The following SLC39A8 variants were observed in gnomAD, a reference collection of about 807,000 sequenced individuals.
SLC39A8 encodes metal cation symporter ZIP8.
In SLC39A8, 15 loss-of-function variants were observed where a neutral mutation model predicts 40.4. That is an observed-to-expected ratio of 0.37 (90% CI 0.25 to 0.57). The LOEUF is 0.57. Ranked by LOEUF, SLC39A8 falls within the 20% of genes least tolerant of loss-of-function variation. The probability of loss-of-function intolerance (pLI) is 0.75; values close to 1 mark genes in which losing one functional copy is unlikely to be tolerated. For missense variants in SLC39A8, 472 were observed against 558.8 expected (o/e 0.84, Z 1.57); for synonymous variants, 223 against 221.6 (o/e 1.01, Z -0.06).
intron 6 of SLC39A8, among the ~76,000 whole-genome samples, chr4:102,299,219 A>G (rs1733805513): frequency 6.6e-6 from 1 of 151,618 alleles, no homozygotes; most frequent in African/African-American, 2.4e-5. Flanking sequence ...AGAAAAACAC[A>G]CCACCCAAAA....
At chr4:102,290,200 A>T (rs573175971) in intron 6 of SLC39A8, among the ~76,000 whole-genome samples, 37 of 152,266 alleles carry the variant, frequency 2.4e-4, no homozygotes, top group African/African-American at 8.4e-4. Flanking sequence ...GATCAGTAGC[A>T]CTTTTTAGCA....
chr4:102,253,517 G>A (rs1731639776), intron 11 of SLC39A8: 1 of 612,848 alleles, frequency 1.6e-6, no homozygotes, highest in South Asian at 2.1e-5. Context: ...TAAGTTGTTA[G>A]CTTTTCTCCT....
chr4:102,272,308 G>A (rs1175604724), intron 6 of SLC39A8, among the ~76,000 whole-genome samples: 1 of 152,030 alleles, frequency 6.6e-6, no homozygotes, highest in Non-Finnish European at 1.5e-5. Context: ...GAGTGGTGGT[G>A]GGCGCCTGTA....
At chr4:102,288,537 T>C (rs1733286623) in intron 6 of SLC39A8, among the ~76,000 whole-genome samples, 1 of 152,072 alleles carries the variant, frequency 6.6e-6, no homozygotes, top group Non-Finnish European at 1.5e-5. Context: ...TTAAACTTAG[T>C]GAGGAAAACA....
chr4:102,297,495 T>C (rs560811984), intron 6 of SLC39A8, among the ~76,000 whole-genome samples: 2 of 152,010 alleles, frequency 1.3e-5, no homozygotes, highest in African/African-American at 2.4e-5. Context: ...TTTAGAAAAG[T>C]TGGACAGTTG....
chr4:102,320,456 A>ATATACATATGAGAATATATATATGAGAG, intron 2 of SLC39A8, among the ~76,000 whole-genome samples: 7 of 96,278 alleles, frequency 7.3e-5, no homozygotes, highest in African/African-American at 2.8e-4. Flanking sequence ...ATATGAGAGT[A>ATATACATATGAGAATATATATATGAGAG]TATATACATA....
In SLC39A8 at chr4:102,344,575, T is replaced by C. The variant is rs769885404; in HGVS notation, c.88A>G (p.Ser30Gly). Reference sequence around the variant, plus strand: ...CCGAACACGCTCAGCACATCCTCGCTGAAGGCTAGCCCTGGCCCCTCCGCC... The same window carrying C: ...CCGAACACGCTCAGCACATCCTCGCCGAAGGCTAGCCCTGGCCCCTCCGCC... ...GVAEGPGLAFSEDVLSVFGAN... is the reference protein window; with the variant it reads ...GVAEGPGLAFGEDVLSVFGAN... Residue 30 changes from serine (S) to glycine (G), a missense_variant, in exon 2 of 9, where the codon AGC becomes GGC. By Grantham distance (56) the Ser-to-Gly change is moderately conservative (BLOSUM62 0). Around this residue, in one of 4 missense-constraint regions of SLC39A8, gnomAD observed 175 missense variants for 160.5 expected, o/e 1.09. Coordinates refer to ENST00000356736, the MANE Select transcript of SLC39A8 (RefSeq NM_001135146.2). 49 of 1,550,636 alleles carry C rather than the reference T, an allele frequency of 3.2e-5. No homozygotes were observed. The highest frequency in any genetic ancestry group is 1.7e-4 in the Middle Eastern group (1 of 5,980).
intron 2 of SLC39A8, among the ~76,000 whole-genome samples, chr4:102,323,638 T>TA (rs1735059725): frequency 6.6e-6 from 1 of 152,272 alleles, no homozygotes; most frequent in African/African-American, 2.4e-5. Flanking sequence ...TTAACACGTA[T>TA]AACCTCTTTA....
chr4:102,296,652 C>A (rs1156790198), intron 6 of SLC39A8, among the ~76,000 whole-genome samples: 4 of 152,074 alleles, frequency 2.6e-5, no homozygotes, highest in Non-Finnish European at 5.9e-5. Flanking sequence ...ATATTTTAAT[C>A]CTAAGATGCA....
intron 6 of SLC39A8, among the ~76,000 whole-genome samples, chr4:102,281,473 T>C (rs1291482269): frequency 6.6e-6 from 1 of 152,074 alleles, no homozygotes; most frequent in African/African-American, 2.4e-5. Flanking sequence ...GTGACTCACC[T>C]GCAAAAAAAG....
rs1171207456 is a variant in SLC39A8 at position 102,304,429 on chromosome 4, T to C, written c.728A>G (p.His243Arg). ...GATGGCAGGTAATGCTTTAGGTTGATGAGTTTTTTCTTGAGGACCAAAGTT... is the reference window on the plus strand; with the variant it reads ...GATGGCAGGTAATGCTTTAGGTTGACGAGTTTTTTCTTGAGGACCAAAGTT... ...NDNFGPQEKT[H>R]QPKALPAING... The change falls in exon 6 of 9, where the codon CAT becomes CGT. Residue 243 changes from histidine to arginine, a missense_variant. Coordinates refer to ENST00000356736, the MANE Select transcript of SLC39A8 (RefSeq NM_001135146.2). 12 of 1,611,696 alleles carry C rather than the reference T, an allele frequency of 7.4e-6. No individual in the cohort carries two copies. Among genetic ancestry groups the C allele is most frequent in the Non-Finnish European group, 1.0e-5 (12 of 1,178,454 alleles).
At chr4:102,309,553 A>G (rs576685943) in intron 3 of SLC39A8, among the ~76,000 whole-genome samples, 1 of 152,194 alleles carries the variant, frequency 6.6e-6, no homozygotes. Flanking sequence ...AATTTCTCTT[A>G]ACACAAACAT....
In SLC39A8 at chr4:102,285,628, G is replaced by GGTGTGTGT. The variant is rs59048258; in HGVS notation, c.841-17557_841-17550dup. Among the ~76,000 whole-genome samples the GGTGTGTGT allele has an allele frequency of 7.7e-3, 1,155 of 150,044 alleles. 11 individuals carry two copies. Among genetic ancestry groups the GGTGTGTGT allele is most frequent in the African/African-American group, 0.023 (954 of 40,848 alleles). On this transcript the variant is annotated intron_variant, in intron 6 of 8. Coordinates refer to ENST00000356736, the MANE Select transcript of SLC39A8 (RefSeq NM_001135146.2). The stretch of plus-strand genomic sequence containing the variant: ...GAGACAAATAAATATTATAGATGAG[G>GGTGTGTGT]GTGTGTGTGTGTGTGTGTGCATGTG...
Position 102,255,081 on chromosome 4 carries a change from A to G in SLC39A8, c.*299-1651T>C, listed in dbSNP as rs560142261. Reference sequence around the variant, plus strand: ...TTTTGAAAGATTTTTGCTCACCACTACTGGAACATAATAGAGATTTTACTA... The same window carrying G: ...TTTTGAAAGATTTTTGCTCACCACTGCTGGAACATAATAGAGATTTTACTA... On this transcript the variant is annotated intron_variant and NMD_transcript_variant, in intron 11 of 11. Transcript: ENST00000424970. 1.4e-4 allele frequency among the ~76,000 whole-genome samples: 21 copies of G among 152,352 alleles called. No individual in the cohort carries two copies. The South Asian group carries it at 4.3e-3, about 32-fold the overall frequency.
chr4:102,277,077 A>C (rs891665251), intron 6 of SLC39A8, among the ~76,000 whole-genome samples: 2 of 152,342 alleles, frequency 1.3e-5, no homozygotes, highest in Admixed American at 6.5e-5. Context: ...GAAAACCAGC[A>C]CAAGACAAGG....
At chr4:102,311,811 T>A (rs1734437694) in intron 3 of SLC39A8, among the ~76,000 whole-genome samples, 2 of 152,120 alleles carry the variant, frequency 1.3e-5, no homozygotes, top group African/African-American at 2.4e-5. Flanking sequence ...AATTTTTGTA[T>A]CATTTGGATT....
chr4:102,264,711 T>G (rs1315617490), intron 8 of SLC39A8, among the ~76,000 whole-genome samples: 1 of 152,242 alleles, frequency 6.6e-6, no homozygotes, highest in Non-Finnish European at 1.5e-5. Flanking sequence ...GTAGTCACCT[T>G]CATCAGTGAT....
Position 102,331,144 on chromosome 4 carries a change from TA to T in SLC39A8, c.219+13299del, listed in dbSNP as rs544245980. Among the ~76,000 whole-genome samples, 8 of 152,298 alleles carry T rather than the reference TA, an allele frequency of 5.3e-5. No homozygotes were observed. In the East Asian group the frequency reaches 1.4e-3, roughly 26 times the overall value. ...CAAGGATGCCCTCTATTACCACTCC[TA>T]TTCAACATAGTACTGGAAGTTCTGG... On this transcript the variant is annotated intron_variant, in intron 2 of 8. Transcript: ENST00000356736.
chr4:102,319,090 A>G (rs915299362), intron 2 of SLC39A8, among the ~76,000 whole-genome samples: 2 of 152,232 alleles, frequency 1.3e-5, no homozygotes, highest in African/African-American at 4.8e-5. Flanking sequence ...GGCTAGGTAT[A>G]TATTACAAAA....
Sources: allele counts gnomAD v4.1 joint callset (sites outside exome capture counted in the v4.1 genomes callset), GRCh38; gene constraint gnomAD v4.1.1; regional missense constraint gnomAD v4.1.1; transcripts MANE v1.5; gene names NCBI Gene and HGNC (gene_info 2026-07-23, HGNC 2026-07-21).